JDP2: variants seen among roughly 807,000 people sequenced by gnomAD.
The protein encoded by JDP2 is progesterone receptor co-activator.
In JDP2, 9 loss-of-function variants were observed where a neutral mutation model predicts 17.1. That is an observed-to-expected ratio of 0.53 (90% CI 0.32 to 0.92). The LOEUF is 0.92. JDP2 is among the 40% of genes least tolerant of loss of function. JDP2 has a pLI of 0.04. For synonymous variants in JDP2, 107 were observed against 95.6 expected (o/e 1.12, Z -0.69); for missense variants, 179 against 220.0 (o/e 0.81, Z 1.18).
At chr14:75,459,892 C>T (rs1197178464) in intron 2 of JDP2, among the ~76,000 whole-genome samples, 2 of 152,164 alleles carry the variant, frequency 1.3e-5, no homozygotes, top group Non-Finnish European at 2.9e-5. Flanking sequence ...GGCTGGTGGT[C>T]AGGAGCAGGG....
At chr14:75,456,552 G>A (rs1048128364) in intron 2 of JDP2, among the ~76,000 whole-genome samples, 1 of 152,150 alleles carries the variant, frequency 6.6e-6, no homozygotes, top group Non-Finnish European at 1.5e-5. Flanking sequence ...CTCCAGGCCC[G>A]GCTTTTCTCT....
At chr14:75,437,755 A>G (rs2140045286) in intron 1 of JDP2, 143 bp from the exon 2 acceptor site, 1 of 601,018 alleles carries the variant, frequency 1.7e-6, no homozygotes, top group South Asian at 2.5e-5. Context: ...GAAGGACTTT[A>G]CGGCAGGAAG....
intron 1 of JDP2, among the ~76,000 whole-genome samples, chr14:75,436,784 TC>T (rs984767169): frequency 9.8e-5 from 15 of 152,356 alleles, no homozygotes; most frequent in African/African-American, 3.6e-4. Context: ...AAGGAAGAAT[TC>T]CCTTGGTGTT....
At chr14:75,461,219 C>T (rs1886332695) in intron 2 of JDP2, among the ~76,000 whole-genome samples, 1 of 152,210 alleles carries the variant, frequency 6.6e-6, no homozygotes, top group Non-Finnish European at 1.5e-5. Flanking sequence ...GGGCTACTGA[C>T]TCCTCCCTGG....
intron 2 of JDP2, among the ~76,000 whole-genome samples, chr14:75,455,961 C>A (rs552021125): frequency 2.0e-5 from 3 of 152,158 alleles, no homozygotes; most frequent in African/African-American, 4.8e-5. Context: ...GCTTTCTCAG[C>A]GGTTTTAGGA....
In JDP2 at chr14:75,438,127, C is replaced by T. The variant is rs1302479534; in HGVS notation, c.201+6C>T. 27 of 1,595,788 alleles carry T rather than the reference C, an allele frequency of 1.7e-5. No individual in the cohort carries two copies. Among genetic ancestry groups the T allele is most frequent in the Middle Eastern group, 1.7e-4 (1 of 6,010 alleles). On this transcript the variant is annotated splice_donor_region_variant and intron_variant, in intron 2 of 3. Transcript: ENST00000651602. ...CCCAGCCCGTGAAAAGTGAGGTGAGCGAGCCTTTTACCCCTGGCAGATTCC... is the reference window on the plus strand; with the variant it reads ...CCCAGCCCGTGAAAAGTGAGGTGAGTGAGCCTTTTACCCCTGGCAGATTCC...
At chr14:75,441,928 T>A (rs1264636342) in intron 2 of JDP2, among the ~76,000 whole-genome samples, 1 of 152,096 alleles carries the variant, frequency 6.6e-6, no homozygotes, top group Non-Finnish European at 1.5e-5. Flanking sequence ...GGAATGCATT[T>A]TCAGTTGGGA....
rs1295137106 is a variant in JDP2, at chr14:75,461,276, C to G, written c.202-150C>G. ...GACTGGCTGGGAGGTATTTCCAACT[C>G]TCCAGGCAGTGGGCTGGCAGAAGTG... On this transcript the variant is annotated intron_variant, in intron 2 of 3. Transcript: ENST00000651602. 6.3e-6 allele frequency: 4 copies of G among 639,576 alleles called. No individual in the cohort carries two copies. The East Asian group carries it at 1.1e-4, about 18-fold the overall frequency. 39.6% of individuals were successfully genotyped at this position (639,576 alleles called of 1,614,324 possible).
chr14:75,431,748 A>G (rs976800253), intron 1 of JDP2, among the ~76,000 whole-genome samples: 2 of 152,180 alleles, frequency 1.3e-5, no homozygotes, highest in Admixed American at 1.3e-4. Flanking sequence ...GAGAGCGGAG[A>G]ATCCTCTGGG....
At chr14:75,455,870 G>A (rs1250965248) in intron 2 of JDP2, among the ~76,000 whole-genome samples, 1 of 152,158 alleles carries the variant, frequency 6.6e-6, no homozygotes, top group Non-Finnish European at 1.5e-5. Context: ...CTAGTCCAGG[G>A]GCTTTGGTAC....
intron 1 of JDP2, among the ~76,000 whole-genome samples, chr14:75,435,097 G>C (rs1885002074): frequency 6.6e-6 from 1 of 152,220 alleles, no homozygotes; most frequent in Non-Finnish European, 1.5e-5. Context: ...TTGCTACAAG[G>C]AATAGGTCTT....
rs1884633441 is a variant in JDP2, at chr14:75,428,390, G to T, written c.-24+138G>T. On this transcript the variant is annotated intron_variant, in intron 1 of 3. Transcript: ENST00000651602. This position sits in a 1 kb window ranked among gnomAD's most constrained non-coding sequence, Gnocchi z 5.6. Reference sequence around the variant, plus strand: ...CCAGCCCCGCGGGGAGGCTCCCGCAGCCCAGGGACCTCGAGCTTTCCCCGC... The same window carrying T: ...CCAGCCCCGCGGGGAGGCTCCCGCATCCCAGGGACCTCGAGCTTTCCCCGC... 1 of 151,284 alleles carries T rather than the reference G, an allele frequency of 6.6e-6. No individual in the cohort carries two copies. The highest frequency in any genetic ancestry group is 6.6e-5 in the Admixed American group (1 of 15,214). The allele number at this position is 151,284 out of a possible 1,614,324, so 9.4% of individuals were successfully genotyped here. A position where few individuals can be genotyped will look rare whatever the true frequency, so the allele number is the denominator to read the frequency against.
intron 2 of JDP2, among the ~76,000 whole-genome samples, chr14:75,450,959 C>T (rs1416389309): frequency 6.6e-6 from 1 of 152,180 alleles, no homozygotes. Flanking sequence ...GGTGATGCTC[C>T]AGCTGCATGT....
chr14:75,444,276 A>C (rs1314337960), intron 2 of JDP2, among the ~76,000 whole-genome samples: 2 of 152,352 alleles, frequency 1.3e-5, no homozygotes, highest in East Asian at 3.9e-4. Context: ...TAAGACACAG[A>C]TATAAGGTAG....
At chr14:75,453,309 T>C (rs376361607) in intron 2 of JDP2, among the ~76,000 whole-genome samples, 9 of 152,114 alleles carry the variant, frequency 5.9e-5, no homozygotes, top group African/African-American at 2.2e-4. Context: ...GGCTCCTCCA[T>C]GCAGGGGGGG....
chr14:75,453,696 T>C (rs891843609), intron 2 of JDP2, among the ~76,000 whole-genome samples: 6 of 152,208 alleles, frequency 3.9e-5, no homozygotes, highest in South Asian at 2.1e-4. Context: ...AGCACACAGC[T>C]GGTCTACAGC....
chr14:75,440,734 C>T (rs912325990), intron 2 of JDP2, among the ~76,000 whole-genome samples: 4 of 152,162 alleles, frequency 2.6e-5, no homozygotes, highest in Admixed American at 6.5e-5. Flanking sequence ...CCGTTACAGC[C>T]GGGTCTCACT....
At chr14:75,458,953 G>T (rs1015430503) in intron 2 of JDP2, among the ~76,000 whole-genome samples, 1 of 152,206 alleles carries the variant, frequency 6.6e-6, no homozygotes, top group Non-Finnish European at 1.5e-5. Context: ...CCTGACCTGG[G>T]CCTCAGCCTG....
chr14:75,436,303 C>G (rs1456417849), intron 1 of JDP2, among the ~76,000 whole-genome samples: 2 of 152,192 alleles, frequency 1.3e-5, no homozygotes, highest in African/African-American at 2.4e-5. Flanking sequence ...GCCCAAGAAC[C>G]ATGTGGCCAT....
Sources: gnomAD v4.1 joint callset for allele counts (sites outside exome capture counted in the v4.1 genomes callset) on GRCh38, gnomAD v4.1.1 for gene constraint, Gnocchi (gnomAD v3.1) non-coding constraint, MANE v1.5 for transcripts, NCBI Gene and HGNC (gene_info 2026-07-23, HGNC 2026-07-21) for gene names.